LRP1B: variants seen among roughly 807,000 people sequenced by gnomAD.
LRP1B encodes the protein LDL receptor related protein 1B.
Under a neutral mutation model 556.6 loss-of-function variants are expected in LRP1B, and 217 were observed. That is an observed-to-expected ratio of 0.39 (90% CI 0.35 to 0.44). The LOEUF (loss-of-function observed/expected upper bound fraction) is 0.44, where lower values mean the gene tolerates loss of function less well. Ranked by LOEUF, LRP1B falls within the 20% of genes least tolerant of loss-of-function variation. The probability of loss-of-function intolerance (pLI) is 1.00; values close to 1 mark genes in which losing one functional copy is unlikely to be tolerated. For missense variants in LRP1B, 5,053 were observed against 5,620.8 expected, an observed-to-expected ratio of 0.90 and a Z score of 3.23; for synonymous variants, 2,047 against 1,865.8, an observed-to-expected ratio of 1.10 and a Z score of -2.50.
chr2:141,689,355 C>T (rs1248394228), intron 2 of LRP1B, among the ~76,000 whole-genome samples: 1 of 151,764 alleles, frequency 6.6e-6, no homozygotes, highest in South Asian at 2.1e-4. Context: ...AAAACACTAT[C>T]CTGTGTCCAC....
At chr2:140,360,538 C>T (rs1682458005) in intron 72 of LRP1B, among the ~76,000 whole-genome samples, 2 of 151,682 alleles carry the variant, frequency 1.3e-5, no homozygotes, top group South Asian at 2.1e-4. Context: ...TATATCTTCA[C>T]GCTGCTGCTA....
chr2:141,855,387 G>A (rs551422346), intron 1 of LRP1B, among the ~76,000 whole-genome samples: 1 of 152,226 alleles, frequency 6.6e-6, no homozygotes, highest in Admixed American at 6.5e-5. Flanking sequence ...AAGACAAGAA[G>A]GAGAGCTGAG....
chr2:141,893,190 G>C (rs1699343028), intron 1 of LRP1B, among the ~76,000 whole-genome samples: 1 of 151,994 alleles, frequency 6.6e-6, no homozygotes, highest in African/African-American at 2.4e-5. Context: ...AACTCACTAG[G>C]GTGTCAGTTT....
chr2:141,912,752 C>G (rs1165622899), intron 1 of LRP1B, among the ~76,000 whole-genome samples: 1 of 152,140 alleles, frequency 6.6e-6, no homozygotes, highest in Non-Finnish European at 1.5e-5. Flanking sequence ...TTTTTATCAT[C>G]AGGGATGGAA....
intron 77 of LRP1B, among the ~76,000 whole-genome samples, chr2:140,340,632 C>CGAT: frequency 6.6e-6 from 1 of 150,582 alleles, no homozygotes; most frequent in African/African-American, 2.4e-5. Context: ...CCTGTCAAAA[C>CGAT]GATTGGTTGA....
chr2:141,984,137 G>C (rs796436704), intron 1 of LRP1B, among the ~76,000 whole-genome samples: 2 of 151,402 alleles, frequency 1.3e-5, no homozygotes, highest in African/African-American at 4.9e-5. Context: ...ACAAAGAGAG[G>C]CTTGCTGAAA....
intron 3 of LRP1B, among the ~76,000 whole-genome samples, chr2:141,446,485 A>G (rs995768819): frequency 1.3e-5 from 2 of 152,130 alleles, no homozygotes; most frequent in Non-Finnish European, 2.9e-5. Flanking sequence ...CCATTAGTTG[A>G]TGCAGTTTCT....
chr2:140,551,545 T>A (rs923145927), intron 43 of LRP1B, among the ~76,000 whole-genome samples: 1 of 152,188 alleles, frequency 6.6e-6, no homozygotes, highest in East Asian at 1.9e-4. Context: ...AGGCTATGGT[T>A]TGTGATTCTG....
intron 1 of LRP1B, among the ~76,000 whole-genome samples, chr2:142,055,228 G>A (rs1213473116): frequency 6.6e-6 from 1 of 152,114 alleles, no homozygotes; most frequent in Non-Finnish European, 1.5e-5. Context: ...GGAATAGAGT[G>A]TGGATATAGA....
chr2:140,892,371 A>T (rs1693823083), intron 23 of LRP1B, among the ~76,000 whole-genome samples: 1 of 152,162 alleles, frequency 6.6e-6, no homozygotes, highest in Admixed American at 6.5e-5. Flanking sequence ...TCTACAAATT[A>T]ATAAGAAAAG....
chr2:141,141,812 GAGA>G (rs1321520736), intron 7 of LRP1B, among the ~76,000 whole-genome samples: 6 of 152,166 alleles, frequency 3.9e-5, no homozygotes, highest in South Asian at 2.1e-4. Flanking sequence ...TTCCAATAAT[GAGA>G]AGAAGAAAAT....
At chr2:141,528,362 C>G (rs548464391) in intron 2 of LRP1B, among the ~76,000 whole-genome samples, 2 of 151,968 alleles carry the variant, frequency 1.3e-5, no homozygotes, top group African/African-American at 4.8e-5. Flanking sequence ...AAGCATATCA[C>G]TACATTGCTA....
intron 41 of LRP1B, among the ~76,000 whole-genome samples, chr2:140,630,601 G>A (rs532611279): frequency 2.6e-4 from 40 of 152,200 alleles, no homozygotes; most frequent in Non-Finnish European, 5.1e-4. Flanking sequence ...TGCGGTCTTA[G>A]GAGAGCTGCA....
intron 60 of LRP1B, among the ~76,000 whole-genome samples, chr2:140,466,090 G>A (rs1687535188): frequency 1.3e-5 from 2 of 150,294 alleles, no homozygotes; most frequent in South Asian, 4.2e-4. Context: ...TCGGGGGGTG[G>A]GAAGTATTAT....
At chr2:140,733,854 A>G (rs1264262977) in intron 35 of LRP1B, among the ~76,000 whole-genome samples, 3 of 152,228 alleles carry the variant, frequency 2.0e-5, no homozygotes, top group African/African-American at 4.8e-5. Flanking sequence ...AAAATAATCA[A>G]AAACATACCA....
chr2:140,856,720 G>A (rs968240755), intron 27 of LRP1B, among the ~76,000 whole-genome samples: 4 of 150,136 alleles, frequency 2.7e-5, no homozygotes, highest in African/African-American at 9.9e-5. Flanking sequence ...GTGATACGCT[G>A]GCGGGAACTA....
intron 41 of LRP1B, among the ~76,000 whole-genome samples, chr2:140,687,340 T>C (rs1194531108): frequency 1.3e-5 from 2 of 152,130 alleles, no homozygotes; most frequent in African/African-American, 4.8e-5. Context: ...TTTATAAAAA[T>C]CTTAAAAAGT....
intron 41 of LRP1B, among the ~76,000 whole-genome samples, chr2:140,623,600 C>T (rs376083864): frequency 6.6e-6 from 1 of 151,794 alleles, no homozygotes; most frequent in African/African-American, 2.4e-5. Flanking sequence ...CTATAAAGAA[C>T]CTATGGTTTT....
At chr2:142,064,602 T>A (rs1705036857) in intron 1 of LRP1B, among the ~76,000 whole-genome samples, 1 of 151,486 alleles carries the variant, frequency 6.6e-6, no homozygotes. Context: ...TTTCCTTAAA[T>A]GGTATGATAT....
Sources: allele counts gnomAD v4.1 joint callset (sites outside exome capture counted in the v4.1 genomes callset), GRCh38; gene constraint gnomAD v4.1.1; transcripts MANE v1.5; gene names NCBI Gene and HGNC (gene_info 2026-07-23, HGNC 2026-07-21).